CDH13: variants seen among roughly 807,000 people sequenced by gnomAD.
CDH13 encodes the protein cadherin-13.
CDH13 carries 24 observed loss-of-function variants against 63.8 expected under a neutral mutation model. The ratio of observed to expected loss-of-function variants is 0.38; its 90% CI spans 0.27 to 0.53. The LOEUF (loss-of-function observed/expected upper bound fraction) is 0.53. CDH13 is among the 20% of genes least tolerant of loss of function. The pLI is 0.85. For missense variants in CDH13, 1,049 were observed against 903.1 expected (o/e 1.16, Z -2.07); for synonymous variants, 503 against 355.3 (o/e 1.42, Z -4.67).
At chr16:83,562,814 C>G (rs553575241) in intron 7 of CDH13, among the ~76,000 whole-genome samples, 2 of 152,288 alleles carry the variant, frequency 1.3e-5, no homozygotes, top group South Asian at 2.1e-4. Flanking sequence ...TAATAACAAA[C>G]TTGGTAAACA....
intron 5 of CDH13, among the ~76,000 whole-genome samples, chr16:83,342,851 T>TG (rs1375500909): frequency 1.2e-4 from 17 of 144,846 alleles, no homozygotes; most frequent in Middle Eastern, 3.6e-3. Flanking sequence ...CTGTTTTTTT[T>TG]TTTTTTTTTT....
intron 2 of CDH13, among the ~76,000 whole-genome samples, chr16:82,915,794 G>C (rs2041968865): frequency 6.6e-6 from 1 of 150,522 alleles, no homozygotes; most frequent in Non-Finnish European, 1.5e-5. Context: ...GAGACTTTAA[G>C]GTACCCTCTG....
chr16:83,071,769 T>C (rs1042176285), intron 3 of CDH13, among the ~76,000 whole-genome samples: 1 of 152,182 alleles, frequency 6.6e-6, no homozygotes, highest in African/African-American at 2.4e-5. Context: ...ATACATAGCA[T>C]ATATAGGTGC....
At chr16:82,888,171 G>T (rs1394565823) in intron 2 of CDH13, among the ~76,000 whole-genome samples, 6 of 152,192 alleles carry the variant, frequency 3.9e-5, no homozygotes, top group Non-Finnish European at 7.3e-5. Context: ...TACATAGTGT[G>T]TAGGTGCTAC....
chr16:82,750,206 T>C (rs953024677), intron 1 of CDH13, among the ~76,000 whole-genome samples: 2 of 152,084 alleles, frequency 1.3e-5, no homozygotes, highest in Non-Finnish European at 2.9e-5. Context: ...AGGAAGCAGA[T>C]GGTGGGGGTA....
chr16:83,529,467 A>C (rs2075035429), intron 7 of CDH13, among the ~76,000 whole-genome samples: 1 of 152,210 alleles, frequency 6.6e-6, no homozygotes, highest in African/African-American at 2.4e-5. Flanking sequence ...TACTACATCC[A>C]TTCTAGGAAA....
At chr16:83,623,590 G>T (rs150506563) in intron 8 of CDH13, among the ~76,000 whole-genome samples, 126 of 152,234 alleles carry the variant, frequency 8.3e-4, no homozygotes, top group African/African-American at 2.9e-3. Context: ...CTACAAATAG[G>T]AACAGGTGTC....
intron 2 of CDH13, among the ~76,000 whole-genome samples, chr16:82,936,714 G>T (rs1477693147): frequency 6.6e-6 from 1 of 152,168 alleles, no homozygotes; most frequent in Non-Finnish European, 1.5e-5. Flanking sequence ...GGATGCCAAT[G>T]ACCAAGGCAT....
chr16:82,920,516 G>C (rs1001366018), intron 2 of CDH13, among the ~76,000 whole-genome samples: 5 of 152,176 alleles, frequency 3.3e-5, no homozygotes, highest in Non-Finnish European at 7.3e-5. Context: ...CCTACAACTA[G>C]GAATGGAGTC....
In CDH13 at chr16:82,742,342, C is replaced by G. The variant is rs186858973; in HGVS notation, c.45+115205C>G. Among the ~76,000 whole-genome samples the G allele has an allele frequency of 4.6e-5, 7 of 151,860 alleles. No homozygotes were observed. In the Middle Eastern group the frequency reaches 0.01, roughly 221 times the overall value. Reference sequence around the variant, plus strand: ...TTTCTTTTTGCCTTTCTCTAGTTTCCAAATTTTCTACAATGAACATACATA... The same window carrying G: ...TTTCTTTTTGCCTTTCTCTAGTTTCGAAATTTTCTACAATGAACATACATA... On this transcript the variant is annotated intron_variant, in intron 1 of 13. Transcript: ENST00000567109.
At chr16:83,138,183 T>A (rs375703734) in intron 4 of CDH13, among the ~76,000 whole-genome samples, 1 of 152,154 alleles carries the variant, frequency 6.6e-6, no homozygotes, top group East Asian at 1.9e-4. Context: ...TTGATGCCTC[T>A]TGAGCAGGCA....
chr16:83,138,135 C>T (rs2151669879), intron 4 of CDH13, among the ~76,000 whole-genome samples: 1 of 152,048 alleles, frequency 6.6e-6, no homozygotes, highest in East Asian at 1.9e-4. Context: ...TCTGTTGCAT[C>T]GGGTGGTTTG....
chr16:83,751,369 C>G (rs1913068595), intron 11 of CDH13, among the ~76,000 whole-genome samples: 3 of 152,012 alleles, frequency 2.0e-5, no homozygotes, highest in South Asian at 4.1e-4. Flanking sequence ...CTGAGGTGGG[C>G]AGATCGCTTG....
chr16:83,067,046 ATGAC>A (rs1194439480), intron 3 of CDH13, among the ~76,000 whole-genome samples: 1 of 152,154 alleles, frequency 6.6e-6, no homozygotes, highest in East Asian at 1.9e-4. Flanking sequence ...GCTGCCATGG[ATGAC>A]TGACCGTTTT....
intron 5 of CDH13, among the ~76,000 whole-genome samples, chr16:83,326,887 G>C (rs1259231077): frequency 6.6e-6 from 1 of 152,112 alleles, no homozygotes; most frequent in Non-Finnish European, 1.5e-5. Context: ...TCTGCAGTGG[G>C]GGTATCTGGC....
At chr16:82,718,291 G>T (rs969491780) in intron 1 of CDH13, among the ~76,000 whole-genome samples, 3 of 152,182 alleles carry the variant, frequency 2.0e-5, no homozygotes, top group African/African-American at 7.2e-5. Context: ...TTCTATTATT[G>T]GTTGAGTCCC....
At chr16:82,727,032 C>A (rs553762301) in intron 1 of CDH13, among the ~76,000 whole-genome samples, 2 of 152,114 alleles carry the variant, frequency 1.3e-5, no homozygotes, top group African/African-American at 4.8e-5. Context: ...CCAGGATTCC[C>A]ATCCATCAGA....
intron 1 of CDH13, among the ~76,000 whole-genome samples, chr16:82,672,161 G>C (rs1275570466): frequency 2.0e-5 from 3 of 152,122 alleles, no homozygotes; most frequent in East Asian, 3.9e-4. Flanking sequence ...TTTGAGCAAG[G>C]TATACCTCTT....
intron 2 of CDH13, among the ~76,000 whole-genome samples, chr16:82,964,765 G>T (rs561107317): frequency 2.0e-5 from 3 of 152,102 alleles, no homozygotes; most frequent in Non-Finnish European, 2.9e-5. Flanking sequence ...AAATATATCC[G>T]ACAGGAAAAA....
Sources: gnomAD v4.1 joint callset for allele counts (sites outside exome capture counted in the v4.1 genomes callset) on GRCh38, gnomAD v4.1.1 for gene constraint, MANE v1.5 for transcripts, NCBI Gene and HGNC (gene_info 2026-07-23, HGNC 2026-07-21) for gene names.